Variants in PHACTR4 observed in about 807,000 individuals in gnomAD.
PHACTR4 encodes phosphatase and actin regulator 4.
A neutral mutation model predicts 72.7 loss-of-function variants in PHACTR4; 51 were observed. The ratio of observed to expected loss-of-function variants is 0.70; its 90% CI spans 0.56 to 0.89. PHACTR4 has a LOEUF of 0.89. Ranked by LOEUF, PHACTR4 falls within the 40% of genes least tolerant of loss-of-function variation. PHACTR4 has a pLI of 0.00. For missense variants in PHACTR4, 731 were observed against 861.8 expected (o/e 0.85, Z 1.90); for synonymous variants, 255 against 302.5 (o/e 0.84, Z 1.63).
intron 4 of PHACTR4, among the ~76,000 whole-genome samples, chr1:28,463,107 G>A (rs1658926844): frequency 6.6e-6 from 1 of 152,096 alleles, no homozygotes; most frequent in Admixed American, 6.6e-5. Flanking sequence ...CCAAAAGATG[G>A]AGGATGGCTT....
At chr1:28,454,477 C>T (rs370291472) in intron 2 of PHACTR4, among the ~76,000 whole-genome samples, 1 of 151,906 alleles carries the variant, frequency 6.6e-6, no homozygotes. Context: ...GGGGTTTCAC[C>T]ATGGTCTCGA....
chr1:28,373,900 A>G (rs1172190760), intron 1 of PHACTR4, among the ~76,000 whole-genome samples: 2 of 152,230 alleles, frequency 1.3e-5, no homozygotes, highest in Non-Finnish European at 2.9e-5. Flanking sequence ...AGAGTAAACC[A>G]TACTTCAAAT....
At chr1:28,444,932 T>C (rs987103223) in intron 2 of PHACTR4, among the ~76,000 whole-genome samples, 1 of 149,502 alleles carries the variant, frequency 6.7e-6, no homozygotes, top group Non-Finnish European at 1.5e-5. Flanking sequence ...CAGCCTCCCA[T>C]TTTTATATTA....
At chr1:28,396,243 T>C (rs1298233265) in intron 1 of PHACTR4, among the ~76,000 whole-genome samples, 1 of 151,928 alleles carries the variant, frequency 6.6e-6, no homozygotes, top group African/African-American at 2.4e-5. Flanking sequence ...ATAATAAAGA[T>C]GCATGTAGCC....
intron 1 of PHACTR4, among the ~76,000 whole-genome samples, chr1:28,373,324 C>T (rs1328316771): frequency 6.6e-6 from 1 of 151,044 alleles, no homozygotes; most frequent in African/African-American, 2.4e-5. Context: ...GAGTTTCACT[C>T]TTTTTGCCCA....
intron 2 of PHACTR4, among the ~76,000 whole-genome samples, chr1:28,442,264 G>A (rs932669039): frequency 1.1e-4 from 17 of 151,860 alleles, no homozygotes; most frequent in Non-Finnish European, 1.6e-4. Flanking sequence ...CAGGAGATGA[G>A]ACAACCCTGG....
intron 2 of PHACTR4, among the ~76,000 whole-genome samples, chr1:28,440,022 C>T (rs1656887038): frequency 6.6e-6 from 1 of 152,132 alleles, no homozygotes; most frequent in African/African-American, 2.4e-5. Flanking sequence ...TCATCTGAGG[C>T]CGGGCGCGGT....
At chr1:28,371,226 C>A (rs1651220998) in intron 1 of PHACTR4, among the ~76,000 whole-genome samples, 2 of 152,196 alleles carry the variant, frequency 1.3e-5, no homozygotes, top group Admixed American at 1.3e-4. Flanking sequence ...CATCCTTCCA[C>A]CAGAGGCTCC....
At chr1:28,483,238 C>CA (rs1660393057) in intron 9 of PHACTR4, among the ~76,000 whole-genome samples, 1 of 151,824 alleles carries the variant, frequency 6.6e-6, no homozygotes, top group Non-Finnish European at 1.5e-5. Context: ...GACAAAAAAA[C>CA]AAAAAACTTA....
At chr1:28,457,226 G>T in intron 2 of PHACTR4, 1 of 398,804 alleles carries the variant, frequency 2.5e-6, no homozygotes, top group Non-Finnish European at 5.1e-6. Flanking sequence ...AAAAAAGATT[G>T]AATTTGGCAG....
intron 1 of PHACTR4, among the ~76,000 whole-genome samples, chr1:28,380,198 A>T (rs1037155767): frequency 3.3e-5 from 5 of 149,644 alleles, no homozygotes; most frequent in African/African-American, 1.2e-4. Context: ...CTGGGACTAC[A>T]GGCGTCCGCT....
At chr1:28,461,919 GT>G (rs1393835693) in intron 4 of PHACTR4, among the ~76,000 whole-genome samples, 1 of 146,374 alleles carries the variant, frequency 6.8e-6, no homozygotes, top group Non-Finnish European at 1.5e-5. Context: ...AACTCTATTT[GT>G]TTTTTTACAT....
intron 1 of PHACTR4, among the ~76,000 whole-genome samples, chr1:28,389,523 G>T (rs1652833283): frequency 1.3e-5 from 2 of 149,520 alleles, no homozygotes; most frequent in South Asian, 4.2e-4. Context: ...CTGTTGCCAG[G>T]CTGGAGTGCA....
intron 2 of PHACTR4, among the ~76,000 whole-genome samples, chr1:28,458,501 C>G (rs1164418218): frequency 6.6e-6 from 1 of 152,124 alleles, no homozygotes; most frequent in Non-Finnish European, 1.5e-5. Flanking sequence ...CTCACCTCTA[C>G]TTTCTGAAAA....
chr1:28,490,736 G>A (rs999360524), intron 10 of PHACTR4, among the ~76,000 whole-genome samples: 3 of 151,714 alleles, frequency 2.0e-5, no homozygotes, highest in Admixed American at 1.3e-4. Context: ...CCAGCTACTC[G>A]GGAGGCTGAG....
intron 1 of PHACTR4, among the ~76,000 whole-genome samples, chr1:28,373,384 G>C (rs1474955885): frequency 2.0e-5 from 3 of 151,930 alleles, no homozygotes; most frequent in Admixed American, 2.0e-4. Context: ...TCTGCCTCCC[G>C]GGTTTAAGTG....
At chr1:28,415,029 G>A (rs1338303626) in intron 2 of PHACTR4, among the ~76,000 whole-genome samples, 2 of 152,118 alleles carry the variant, frequency 1.3e-5, no homozygotes, top group Non-Finnish European at 2.9e-5. Flanking sequence ...GGGAGGCCGA[G>A]GTGGACGGTT....
intron 9 of PHACTR4, among the ~76,000 whole-genome samples, chr1:28,482,702 A>C (rs1407633331): frequency 6.6e-6 from 1 of 152,012 alleles, no homozygotes; most frequent in Non-Finnish European, 1.5e-5. Context: ...TGGGAGGCTC[A>C]CTTGAGGTGG....
intron 9 of PHACTR4, among the ~76,000 whole-genome samples, chr1:28,485,909 T>A (rs767258514): frequency 3.9e-4 from 59 of 151,226 alleles, no homozygotes; most frequent in South Asian, 8.4e-4. Flanking sequence ...TCAAAAAAAA[T>A]AATAATAATA....
Sources: allele counts gnomAD v4.1 joint callset (sites outside exome capture counted in the v4.1 genomes callset), GRCh38; gene constraint gnomAD v4.1.1; transcripts MANE v1.5; gene names NCBI Gene and HGNC (gene_info 2026-07-23, HGNC 2026-07-21).